RBMS3: variants seen among roughly 807,000 people sequenced by gnomAD.
The protein encoded by RBMS3 is RNA binding motif single stranded interacting protein 3.
In RBMS3, 27 loss-of-function variants were observed where a neutral mutation model predicts 66.8. The observed-to-expected ratio is 0.40, with a 90% CI of 0.30 to 0.56. The LOEUF (loss-of-function observed/expected upper bound fraction) is 0.56. RBMS3 is among the 20% of genes least tolerant of loss of function. The pLI, the probability that RBMS3 is intolerant of heterozygous loss-of-function variation, is 0.40. For synonymous variants in RBMS3, 188 were observed against 183.0 expected, an observed-to-expected ratio of 1.03 and a Z score of -0.22; for missense variants, 513 against 549.5, an observed-to-expected ratio of 0.93 and a Z score of 0.66.
intron 1 of RBMS3, among the ~76,000 whole-genome samples, chr3:29,296,890 T>A (rs577604033): frequency 5.9e-5 from 9 of 151,358 alleles, no homozygotes; most frequent in South Asian, 4.2e-4. Flanking sequence ...TTTTTTTTTT[T>A]AAACACTTTA....
In RBMS3 at chr3:29,793,155, C is replaced by T. The variant is rs9827397; in HGVS notation, c.637+30166C>T. Among the ~76,000 whole-genome samples the T allele has an allele frequency of 6.3e-3, 950 of 151,322 alleles. 7 individuals carry two copies. The highest frequency in any genetic ancestry group is 0.017 in the African/African-American group (719 of 41,196). On this transcript the variant is annotated intron_variant, in intron 6 of 14. Transcript: ENST00000383767. ...CTGAGGCAGGAGAATTGCTTGAACCCGGGAGGTGGAGGTTGCAGTGAGCCC... is the reference window on the plus strand; with the variant it reads ...CTGAGGCAGGAGAATTGCTTGAACCTGGGAGGTGGAGGTTGCAGTGAGCCC...
chr3:29,575,695 C>G (rs143165400), intron 3 of RBMS3, among the ~76,000 whole-genome samples: 2 of 152,014 alleles, frequency 1.3e-5, no homozygotes, highest in African/African-American at 4.8e-5. Context: ...TTGCTTTCTA[C>G]TCTTTTTTGT....
chr3:29,476,582 C>A (rs1413372659), intron 2 of RBMS3, among the ~76,000 whole-genome samples: 3 of 152,134 alleles, frequency 2.0e-5, no homozygotes, highest in Non-Finnish European at 2.9e-5. Flanking sequence ...ACCTAGCATG[C>A]ATCTCAAAAT....
At chr3:29,550,150 A>C (rs912748769) in intron 3 of RBMS3, among the ~76,000 whole-genome samples, 1 of 152,210 alleles carries the variant, frequency 6.6e-6, no homozygotes, top group African/African-American at 2.4e-5. Flanking sequence ...GTTCTGTTTT[A>C]GTTAGGACAG....
intron 2 of RBMS3, among the ~76,000 whole-genome samples, chr3:29,466,785 T>C (rs2042559135): frequency 6.6e-6 from 1 of 152,172 alleles, no homozygotes; most frequent in African/African-American, 2.4e-5. Flanking sequence ...TAGTTGGCCT[T>C]ATGTTTTTTT....
chr3:29,389,328 T>C (rs1359156874), intron 1 of RBMS3, among the ~76,000 whole-genome samples: 1 of 152,116 alleles, frequency 6.6e-6, no homozygotes, highest in African/African-American at 2.4e-5. Context: ...ATAAACTTAA[T>C]GAGGAAAAAA....
At chr3:29,404,050 A>G (rs2039916411) in intron 1 of RBMS3, among the ~76,000 whole-genome samples, 1 of 152,144 alleles carries the variant, frequency 6.6e-6, no homozygotes, top group Non-Finnish European at 1.5e-5. Flanking sequence ...TGGGCCCAAA[A>G]GGGCTGATGT....
chr3:30,000,691 A>G (rs1194010215), intron 14 of RBMS3, among the ~76,000 whole-genome samples: 1 of 152,198 alleles, frequency 6.6e-6, no homozygotes, highest in Admixed American at 6.5e-5. Context: ...TATATACACC[A>G]TGGAATACCA....
chr3:29,673,807 C>G (rs188344954), intron 4 of RBMS3, among the ~76,000 whole-genome samples: 12 of 152,192 alleles, frequency 7.9e-5, no homozygotes, highest in Admixed American at 5.9e-4. Context: ...GATTCACAGC[C>G]GAATTCTACT....
intron 1 of RBMS3, among the ~76,000 whole-genome samples, chr3:29,398,844 C>A (rs1421086664): frequency 6.6e-6 from 1 of 152,278 alleles, no homozygotes; most frequent in African/African-American, 2.4e-5. Context: ...AGGACACTTA[C>A]AAAGGAGATA....
chr3:29,414,062 C>T (rs1219883675), intron 1 of RBMS3, among the ~76,000 whole-genome samples: 2 of 152,102 alleles, frequency 1.3e-5, no homozygotes, highest in African/African-American at 2.4e-5. Flanking sequence ...TTTCTCCTTG[C>T]GCGGGAGTCT....
intron 6 of RBMS3, among the ~76,000 whole-genome samples, chr3:29,863,354 G>A (rs2059265995): frequency 6.6e-6 from 1 of 151,642 alleles, no homozygotes; most frequent in Non-Finnish European, 1.5e-5. Flanking sequence ...TTGTGCACAT[G>A]TACCCTAGAA....
chr3:29,974,915 A>T (rs1354954100), intron 12 of RBMS3, among the ~76,000 whole-genome samples: 2 of 143,126 alleles, frequency 1.4e-5, no homozygotes, highest in African/African-American at 5.0e-5. Context: ...TATATATTTT[A>T]TATATAAAAT....
At chr3:29,720,159 G>A (rs536834742) in intron 4 of RBMS3, among the ~76,000 whole-genome samples, 3 of 152,158 alleles carry the variant, frequency 2.0e-5, no homozygotes, top group East Asian at 1.9e-4. Context: ...CCAGGATGCA[G>A]GAAGCTCTTT....
At chr3:29,622,261 T>C (rs937220152) in intron 4 of RBMS3, among the ~76,000 whole-genome samples, 2 of 152,078 alleles carry the variant, frequency 1.3e-5, no homozygotes, top group Non-Finnish European at 2.9e-5. Context: ...CCTGAAAAAA[T>C]ATCCAAATAA....
At chr3:29,481,533 A>G (rs1040618186) in intron 2 of RBMS3, among the ~76,000 whole-genome samples, 2 of 152,186 alleles carry the variant, frequency 1.3e-5, no homozygotes, top group Non-Finnish European at 2.9e-5. Context: ...AGGGTTGAAT[A>G]GAGGTACTGA....
intron 1 of RBMS3, among the ~76,000 whole-genome samples, chr3:29,402,941 A>G (rs1047015772): frequency 6.6e-6 from 1 of 151,986 alleles, no homozygotes; most frequent in Non-Finnish European, 1.5e-5. Flanking sequence ...ATCATATACA[A>G]TAGTTATCTT....
At chr3:29,301,636 A>C (rs1184569644) in intron 1 of RBMS3, among the ~76,000 whole-genome samples, 1 of 151,942 alleles carries the variant, frequency 6.6e-6, no homozygotes, top group Non-Finnish European at 1.5e-5. Context: ...GCTTGCTTGA[A>C]TTACCTTTTT....
intron 1 of RBMS3, among the ~76,000 whole-genome samples, chr3:29,350,840 A>C (rs2036866878): frequency 6.6e-6 from 1 of 152,126 alleles, no homozygotes; most frequent in Non-Finnish European, 1.5e-5. Flanking sequence ...TAAAAGGTAA[A>C]AGAAAAACAA....
Sources: allele counts gnomAD v4.1 joint callset (sites outside exome capture counted in the v4.1 genomes callset), GRCh38; gene constraint gnomAD v4.1.1; transcripts MANE v1.5; gene names NCBI Gene and HGNC (gene_info 2026-07-23, HGNC 2026-07-21).